SCAI: variants seen among roughly 807,000 people sequenced by gnomAD.
SCAI encodes suppressor of cancer cell invasion.
SCAI carries 24 observed loss-of-function variants against 92.2 expected under a neutral mutation model. The ratio of observed to expected loss-of-function variants is 0.26; its 90% CI spans 0.19 to 0.37. The LOEUF (loss-of-function observed/expected upper bound fraction) is 0.37, where lower values mean the gene tolerates loss of function less well. SCAI is among the 10% of genes least tolerant of loss of function. The pLI is 1.00. For synonymous variants in SCAI, 261 were observed against 258.6 expected, an observed-to-expected ratio of 1.01 and a Z score of -0.09; for missense variants, 450 against 736.2, an observed-to-expected ratio of 0.61 and a Z score of 4.50.
intron 7 of SCAI, among the ~76,000 whole-genome samples, chr9:125,019,531 A>G (rs1832827521): frequency 1.3e-5 from 2 of 152,134 alleles, no homozygotes; most frequent in African/African-American, 4.8e-5. Context: ...TGGATGCAGT[A>G]TCTCATACCT....
chr9:125,077,436 C>T (rs531454858), intron 2 of SCAI, among the ~76,000 whole-genome samples: 1 of 152,250 alleles, frequency 6.6e-6, no homozygotes, highest in East Asian at 1.9e-4. Context: ...TTTGTATAGA[C>T]ATGTTTTCAT....
chr9:125,084,071 T>C (rs1834273959), intron 2 of SCAI, among the ~76,000 whole-genome samples: 1 of 150,410 alleles, frequency 6.6e-6, no homozygotes, highest in African/African-American at 2.5e-5. Flanking sequence ...AACGAGAGGG[T>C]CTGTCTAAAA....
At chr9:125,042,417 G>A (rs927767021) in intron 3 of SCAI, among the ~76,000 whole-genome samples, 21 of 151,960 alleles carry the variant, frequency 1.4e-4, no homozygotes, top group African/African-American at 5.1e-4. Flanking sequence ...AATTAGCTAA[G>A]ATCATTGATC....
chr9:125,142,464 G>T, intron 2 of SCAI, 169 bp downstream of exon 2: 1 of 553,970 alleles, frequency 1.8e-6, no homozygotes, highest in Non-Finnish European at 3.2e-6. Context: ...GACTGTAGAG[G>T]TAGTAATTTG....
chr9:125,075,937 A>G (rs1834082201), intron 2 of SCAI, among the ~76,000 whole-genome samples: 1 of 151,752 alleles, frequency 6.6e-6, no homozygotes, highest in Non-Finnish European at 1.5e-5. Context: ...ACCTCAAGCA[A>G]TCCACTCTCA....
intron 3 of SCAI, among the ~76,000 whole-genome samples, chr9:125,032,120 A>G (rs1460550590): frequency 2.0e-5 from 3 of 150,354 alleles, no homozygotes; most frequent in African/African-American, 7.3e-5. Flanking sequence ...TAAAATGCCT[A>G]TAGAAATATT....
In SCAI at chr9:125,127,813, GC is replaced by G. The variant is rs1217603716; in HGVS notation, c.98+14819del. 4.5e-4 allele frequency among the ~76,000 whole-genome samples: 68 copies of G among 152,204 alleles called. 1 individual carries two copies. Among genetic ancestry groups the G allele is most frequent in the African/African-American group, 1.5e-3 (62 of 41,536 alleles). ...AACTGAGGTCAGGAGTTTGAGACCAGCCTGGCCAACATGGCAAAACTCTGTC... is the reference window on the plus strand; with the variant it reads ...AACTGAGGTCAGGAGTTTGAGACCAGCTGGCCAACATGGCAAAACTCTGTC... On this transcript the variant is annotated intron_variant, in intron 2 of 17. Transcript: ENST00000336505.
intron 2 of SCAI, among the ~76,000 whole-genome samples, chr9:125,117,263 T>TATTC (rs1835063938): frequency 6.6e-6 from 1 of 152,230 alleles, no homozygotes; most frequent in South Asian, 2.1e-4. Context: ...ATTAGTCTTA[T>TATTC]ATTCTTTCAT....
At chr9:125,046,447 C>T (rs1833446055) in intron 3 of SCAI, among the ~76,000 whole-genome samples, 1 of 146,338 alleles carries the variant, frequency 6.8e-6, no homozygotes, top group South Asian at 2.2e-4. Context: ...AGTTAAGTAA[C>T]TCACGAATGG....
At chr9:124,997,781 C>T (rs1449342163) in intron 13 of SCAI, among the ~76,000 whole-genome samples, 4 of 149,248 alleles carry the variant, frequency 2.7e-5, no homozygotes, top group South Asian at 2.1e-4. Context: ...GAGGCTGAGG[C>T]AGGAGAATCG....
At chr9:125,120,892 A>T (rs2131248621) in intron 2 of SCAI, among the ~76,000 whole-genome samples, 1 of 152,192 alleles carries the variant, frequency 6.6e-6, no homozygotes, top group East Asian at 1.9e-4. Context: ...AAAAAAAGAA[A>T]AAGAAAAATA....
intron 2 of SCAI, among the ~76,000 whole-genome samples, chr9:125,096,180 G>A (rs1309109279): frequency 6.6e-6 from 1 of 152,172 alleles, no homozygotes; most frequent in African/African-American, 2.4e-5. Flanking sequence ...CATAATCATG[G>A]CAGAAGGCAA....
In SCAI at chr9:125,004,753, ATATATATATATATATATATATATATATTT is replaced by A. The variant is rs1380690238; in HGVS notation, c.862-1212_862-1184del. 8.8e-3 allele frequency among the ~76,000 whole-genome samples: 79 copies of A among 9,006 alleles called. 1 individual carries two copies. Among genetic ancestry groups the A allele is most frequent in the African/African-American group, 0.021 (65 of 3,046 alleles). The allele number at this position is 9,006 out of a possible 152,430, so 5.9% of individuals were successfully genotyped here. A position where few individuals can be genotyped will look rare whatever the true frequency, so the allele number is the denominator to read the frequency against. ...GTGATCCATATATATATATATATAT[ATATATATATATATATATATATATATATTT>A]TTTTTTTTTTTTTTTTTTTTTTTGA... On this transcript the variant is annotated intron_variant, in intron 9 of 17. Transcript: ENST00000336505.
In SCAI at chr9:124,952,508, C is replaced by G. The variant is rs1831247328; in HGVS notation, c.*299G>C. 3 of 225,046 alleles carry G rather than the reference C, an allele frequency of 1.3e-5. No homozygotes were observed. In the Admixed American group the frequency reaches 1.6e-4, roughly 12 times the overall value. 13.9% of individuals were successfully genotyped at this position (225,046 alleles called of 1,614,324 possible). A position where few individuals can be genotyped will look rare whatever the true frequency, so the allele number is the denominator to read the frequency against. ...ATTATACAAAAATAAATGATTTACTCTTCTCAGGGTGAGAATAGTGACTAT... is the reference window on the plus strand; with the variant it reads ...ATTATACAAAAATAAATGATTTACTGTTCTCAGGGTGAGAATAGTGACTAT... On this transcript the variant is annotated 3_prime_UTR_variant, in exon 18 of 18. Coordinates refer to ENST00000336505, the MANE Select transcript of SCAI (RefSeq NM_001144877.3).
At position 125,032,170 on chromosome 9, in the gene SCAI, AATAT is replaced by A. The variant is rs1195663083; in HGVS notation, c.231-2435_231-2432del. The stretch of plus-strand genomic sequence containing the variant: ...CACTCAAATGTTTAATAGTAAAATG[AATAT>A]ATATATATATATATATATATATTTT... On this transcript the variant is annotated intron_variant, in intron 3 of 17. Coordinates refer to ENST00000336505, the MANE Select transcript of SCAI (RefSeq NM_001144877.3). Among the ~76,000 whole-genome samples the A allele has an allele frequency of 7.4e-4, 88 of 118,710 alleles. No individual in the cohort carries two copies. The Middle Eastern group carries it at 0.013, about 18-fold the overall frequency. 77.9% of individuals were successfully genotyped at this position (118,710 alleles called of 152,430 possible). A position where few individuals can be genotyped will look rare whatever the true frequency, so the allele number is the denominator to read the frequency against.
intron 2 of SCAI, among the ~76,000 whole-genome samples, chr9:125,134,668 T>C (rs1835480086): frequency 6.6e-6 from 1 of 152,144 alleles, no homozygotes; most frequent in East Asian, 1.9e-4. Context: ...AGAGACCAAG[T>C]TTCCTAATCT....
Position 125,024,277 on chromosome 9 carries a change from G to GTT in SCAI, c.512+2533_512+2534dup, listed in dbSNP as rs777338173. On this transcript the variant is annotated intron_variant, in intron 6 of 17. Transcript: ENST00000336505. Reference sequence around the variant, plus strand: ...TGTAAAATTGAAGGCTTTTTATGAAGTTTTTTTTTTTTTTTTTGAGACGGA... The same window carrying GTT: ...TGTAAAATTGAAGGCTTTTTATGAAGTTTTTTTTTTTTTTTTTTTGAGACGGA... Among the ~76,000 whole-genome samples, 157 of 137,422 alleles carry GTT rather than the reference G, an allele frequency of 1.1e-3. 1 individual carries two copies. The highest frequency in any genetic ancestry group is 2.9e-3 in the African/African-American group (110 of 37,928). 90.2% of individuals were successfully genotyped at this position (137,422 alleles called of 152,430 possible).
intron 3 of SCAI, among the ~76,000 whole-genome samples, chr9:125,034,479 T>C (rs1358850555): frequency 6.6e-6 from 1 of 152,156 alleles, no homozygotes; most frequent in Non-Finnish European, 1.5e-5. Context: ...TTCATGTCTG[T>C]AGTCCCAGCA....
chr9:125,045,189 G>C (rs369141452), intron 3 of SCAI, among the ~76,000 whole-genome samples: 1 of 152,118 alleles, frequency 6.6e-6, no homozygotes, highest in South Asian at 2.1e-4. Context: ...AACACCCTAA[G>C]GATCCTGTGA....
Sources: allele counts gnomAD v4.1 joint callset (sites outside exome capture counted in the v4.1 genomes callset), GRCh38; gene constraint gnomAD v4.1.1; transcripts MANE v1.5; gene names NCBI Gene and HGNC (gene_info 2026-07-23, HGNC 2026-07-21).